MICAL1: variants seen among roughly 807,000 people sequenced by gnomAD.
MICAL1 encodes [F-actin]-monooxygenase MICAL1.
A neutral mutation model predicts 131.8 loss-of-function variants in MICAL1; 95 were observed. The observed-to-expected ratio is 0.72, with a 90% CI of 0.61 to 0.86. MICAL1 has a LOEUF of 0.86. MICAL1 is among the 40% of genes least tolerant of loss of function. MICAL1 has a pLI of 0.00. For missense variants in MICAL1, 1,292 were observed against 1,380.6 expected, an observed-to-expected ratio of 0.94 and a Z score of 1.02; for synonymous variants, 546 against 554.2, an observed-to-expected ratio of 0.99 and a Z score of 0.21.
chr6:109,450,379 C>A lies in MICAL1; in HGVS notation c.1112G>T (p.Arg371Leu). ...TTGCACACGAGCAGAACTCTCTGCC[C>A]GCATCATGCTCGTGAAGTCAAAGGC... ...VSAFDFTSMM[R>L]AESSARVQEK... The change falls in exon 8 of 25, where the codon CGG becomes CTG. Residue 371 changes from arginine to leucine, a missense_variant. Coordinates refer to ENST00000358807, the MANE Select transcript of MICAL1 (RefSeq NM_022765.4). 6.2e-7 allele frequency: 1 copy of A among 1,613,302 alleles called. No homozygotes were observed.
upstream of MICAL1, among the ~76,000 whole-genome samples, chr6:109,460,667 C>T (rs1775864203): frequency 1.3e-5 from 2 of 152,052 alleles, no homozygotes; most frequent in Non-Finnish European, 2.9e-5. Context: ...CTGCTATTTA[C>T]AAAAGGCAAG....
chr6:109,447,896 G>A lies in MICAL1; in HGVS notation c.1923C>T (p.Thr641=), dbSNP rs1375608963. The change falls in exon 14 of 25, where the codon ACC becomes ACT. Residue 641 remains threonine (T), a synonymous_variant. Transcript: ENST00000358807. ...CCACCTTGGCCCGGGATCGCTGCAG[G>A]GTCCTCTGAAGTTTACTAAGGAATA... is the stretch of plus-strand genomic sequence containing the variant. ...AVLFLSKLQR[T]LQRSRAKENA... 1 of 1,613,340 alleles carries A rather than the reference G, an allele frequency of 6.2e-7. No homozygotes were observed. The highest frequency in any genetic ancestry group is 8.5e-7 in the Non-Finnish European group (1 of 1,179,640).
At chr6:109,460,037 C>A (rs144517627), upstream of MICAL1, among the ~76,000 whole-genome samples, 340 of 152,058 alleles carry the variant, frequency 2.2e-3, 2 homozygotes, top group African/African-American at 7.8e-3. Flanking sequence ...CTATCCTGAC[C>A]CCTGCTCAAA....
intron 24 of MICAL1, 40 bp downstream of exon 24, chr6:109,444,685 A>G (rs1225231611): frequency 6.2e-7 from 1 of 1,608,066 alleles, no homozygotes; most frequent in South Asian, 1.1e-5. Flanking sequence ...TGCATGACAC[A>G]TCCCTGGGAT....
At chr6:109,457,413 C>A (rs1775779805), upstream of MICAL1, among the ~76,000 whole-genome samples, 1 of 152,072 alleles carries the variant, frequency 6.6e-6, no homozygotes, top group South Asian at 2.1e-4. Flanking sequence ...AGGGTTGATT[C>A]AAAATGATGC....
chr6:109,446,152 T>A lies in MICAL1; in HGVS notation c.2565A>T (p.Pro855=). Residue 855 remains proline (P), a synonymous_variant, in exon 19 of 25, where the codon CCA becomes CCT. Coordinates refer to ENST00000358807, the MANE Select transcript of MICAL1 (RefSeq NM_022765.4). ...ATGGGTTACCTTGAGGGCTCTGGAC[T>A]GGCAGGCCCCAGCCCACAAAGCTGC... ...LESSFVGWGL[P]VQSPQALVAM... 6.5e-7 allele frequency: 1 copy of A among 1,549,152 alleles called. No homozygotes were observed.
chr6:109,449,695 A>G lies in MICAL1; in HGVS notation c.1396T>C (p.Tyr466His). Residue 466 changes from tyrosine to histidine, a missense_variant, in exon 10 of 25, where the codon TAC becomes CAC. Coordinates refer to ENST00000358807, the MANE Select transcript of MICAL1 (RefSeq NM_022765.4). ...AQYGLDPATR[Y>H]PNLNLRAVTP... ...ACTGCCCGGAGGTTCAGGTTGGGGTAGCGGGTGGCTGGGTCCAGCCCATAC... is the reference window on the plus strand; with the variant it reads ...ACTGCCCGGAGGTTCAGGTTGGGGTGGCGGGTGGCTGGGTCCAGCCCATAC... The G allele has an allele frequency of 1.3e-6, 2 of 1,587,718 alleles. No individual in the cohort carries two copies. The highest frequency in any genetic ancestry group is 1.2e-5 in the South Asian group (1 of 85,700).
rs1562289604 is a variant in MICAL1, at chr6:109,448,775, GC to G, written c.1620del (p.Leu541Ter). On this transcript the variant is annotated frameshift_variant, in exon 12 of 25. Transcript: ENST00000358807. LOFTEE classifies it high-confidence loss of function. ...VSDLSSSWAD[G>X]LALCALVYRL... ...CGGTACACCAGGGCACACAGAGCTA[GC>G]CCATCAGCCCAGGAGGAAGACAAAT... is the stretch of plus-strand genomic sequence containing the variant. 1 of 1,614,092 alleles carries G rather than the reference GC, an allele frequency of 6.2e-7. No individual in the cohort carries two copies. The highest frequency in any genetic ancestry group is 2.2e-5 in the East Asian group (1 of 44,876).
Position 109,452,055 on chromosome 6 carries a change from A to C in MICAL1, c.832+191T>G, listed in dbSNP as rs180786128. The C allele has an allele frequency of 1.1e-5, 16 of 1,412,704 alleles. No individual in the cohort carries two copies. The East Asian group carries it at 3.8e-4, about 34-fold the overall frequency. 87.5% of individuals were successfully genotyped at this position (1,412,704 alleles called of 1,614,324 possible). ...TCTCTGAGAGATTCCAGGACTTTTCATGCTGGGTGATCAACTAGGGCTGTG... is the reference window on the plus strand; with the variant it reads ...TCTCTGAGAGATTCCAGGACTTTTCCTGCTGGGTGATCAACTAGGGCTGTG... On this transcript the variant is annotated intron_variant, in intron 6 of 24. Transcript: ENST00000358807.
intron 22 of MICAL1, 51 bp from the exon 23 acceptor site, chr6:109,445,046 C>T (rs758330249): frequency 6.2e-7 from 1 of 1,600,872 alleles, no homozygotes; most frequent in East Asian, 2.2e-5. Flanking sequence ...CAGCCAGCAC[C>T]ACAGGAGTTA....
rs778221630 is a variant in MICAL1 at position 109,449,347 on chromosome 6, C to T, written c.1516+53G>A. 8.9e-6 allele frequency: 14 copies of T among 1,579,780 alleles called. No homozygotes were observed. In the African/African-American group the frequency reaches 1.9e-4, roughly 21 times the overall value. Reference sequence around the variant, plus strand: ...AGCTGCTTTGCAGGGACCACCTGGGCCTCGCTGGGTAGTACATATTTTGGT... The same window carrying T: ...AGCTGCTTTGCAGGGACCACCTGGGTCTCGCTGGGTAGTACATATTTTGGT... On this transcript the variant is annotated intron_variant, in intron 11 of 24. Coordinates refer to ENST00000358807, the MANE Select transcript of MICAL1 (RefSeq NM_022765.4).
chr6:109,448,353 T>TTGCTTCCAGAGCTCCCAGCCCCTGCAGC lies in MICAL1; in HGVS notation c.1677_1704dup (p.Thr569AlafsTer20). The TTGCTTCCAGAGCTCCCAGCCCCTGCAGC allele has an allele frequency of 6.2e-7, 1 of 1,613,932 alleles. No homozygotes were observed. Among genetic ancestry groups the TTGCTTCCAGAGCTCCCAGCCCCTGCAGC allele is most frequent in the East Asian group, 2.2e-5 (1 of 44,878 alleles). ...TCTGCCACCTTTAGTGCCCAAGCAG[T>TTGCTTCCAGAGCTCCCAGCCCCTGCAGC]TGCTTCCAGAGCTCCCAGCCCCTGC... On this transcript the variant is annotated frameshift_variant, in exon 13 of 25. Transcript: ENST00000358807. LOFTEE classifies it high-confidence loss of function.
At position 109,446,159 on chromosome 6, in the gene MICAL1, C is replaced by T. The variant is rs201726028; in HGVS notation, c.2558G>A (p.Gly853Asp). 1.3e-6 allele frequency: 2 copies of T among 1,550,418 alleles called. No homozygotes were observed. The highest frequency in any genetic ancestry group is 1.7e-6 in the Non-Finnish European group (2 of 1,154,116). Residue 853 changes from glycine to aspartate, a missense_variant, in exon 19 of 25, where the codon GGC becomes GAC. By Grantham distance (94) the Gly-to-Asp change is moderately conservative. Transcript: ENST00000358807. Reference sequence around the variant, plus strand: ...ACCTTGAGGGCTCTGGACTGGCAGGCCCCAGCCCACAAAGCTGCTCTCCAG... The same window carrying T: ...ACCTTGAGGGCTCTGGACTGGCAGGTCCCAGCCCACAAAGCTGCTCTCCAG... ...HALESSFVGW[G>D]LPVQSPQALV...
At chr6:109,451,807 T>C (rs1296251417) in intron 6 of MICAL1, 107 bp from the exon 7 acceptor site, 8 of 1,516,206 alleles carry the variant, frequency 5.3e-6, no homozygotes, top group Non-Finnish European at 7.1e-6. Context: ...CAGCTTAGGC[T>C]GCGGTGAGTG....
At chr6:109,463,716 A>C (rs1775963441) in intron 1 of MICAL1, 1 of 152,244 alleles carries the variant, frequency 6.6e-6, no homozygotes, top group African/African-American at 2.4e-5. Context: ...AATACACACC[A>C]GATTTCGAAA....
At chr6:109,445,368 TCTCAGAA>T (rs766365328) in intron 21 of MICAL1, 41 bp downstream of exon 21, 5 of 1,612,606 alleles carry the variant, frequency 3.1e-6, no homozygotes, top group Non-Finnish European at 3.4e-6. Context: ...CTGATCTCAG[TCTCAGAA>T]CTTTGACCCC....
At position 109,448,274 on chromosome 6, in the gene MICAL1, C is replaced by T; in HGVS notation, c.1784G>A (p.Ser595Asn). 6.2e-7 allele frequency: 1 copy of T among 1,613,944 alleles called. No individual in the cohort carries two copies. The highest frequency in any genetic ancestry group is 1.3e-5 in the African/African-American group (1 of 75,044). Reference protein sequence around the residue: ...VVSAQAVVAGSDPLGLIAYLS... With the variant: ...VVSAQAVVAGNDPLGLIAYLS... Reference sequence around the variant, plus strand: ...GTAGGCAATGAGGCCCAGTGGGTCACTCCCTGCTACCACGGCCTGTGCAGA... The same window carrying T: ...GTAGGCAATGAGGCCCAGTGGGTCATTCCCTGCTACCACGGCCTGTGCAGA... Residue 595 changes from serine (S) to asparagine (N), a missense_variant, in exon 13 of 25, where the codon AGT (serine) becomes AAT (asparagine). Coordinates refer to ENST00000358807, the MANE Select transcript of MICAL1 (RefSeq NM_022765.4).
chr6:109,452,037 G>A, intron 6 of MICAL1: 1 of 1,408,806 alleles, frequency 7.1e-7, no homozygotes, highest in Admixed American at 3.1e-5. Context: ...TCATCTCTGA[G>A]AGATTCCAGG....
At chr6:109,449,949 C>A in intron 9 of MICAL1, 21 bp downstream of exon 9, 1 of 1,612,032 alleles carries the variant, frequency 6.2e-7, no homozygotes, top group Non-Finnish European at 8.5e-7. Context: ...CTGCCCACAT[C>A]CTCCTCAACT....
Sources: gnomAD v4.1 joint callset for allele counts (sites outside exome capture counted in the v4.1 genomes callset) on GRCh38, gnomAD v4.1.1 for gene constraint, MANE v1.5 for transcripts, NCBI Gene and HGNC (gene_info 2026-07-23, HGNC 2026-07-21) for gene names.